The following FAT1 variants were observed in gnomAD, a reference collection of about 807,000 sequenced individuals.
FAT1 encodes the protein protocadherin Fat 1.
In FAT1, 171 loss-of-function variants were observed where a neutral mutation model predicts 329.8. That is an observed-to-expected ratio of 0.52 (90% CI 0.46 to 0.59). The LOEUF (loss-of-function observed/expected upper bound fraction) is 0.59, where lower values mean the gene tolerates loss of function less well. Among genes scored for constraint, FAT1 ranks in the 20% least tolerant of loss-of-function variants. The probability of loss-of-function intolerance (pLI) is 0.00; values close to 1 mark genes in which losing one functional copy is unlikely to be tolerated. For synonymous variants in FAT1, 2,233 were observed against 2,228.6 expected, an observed-to-expected ratio of 1.00 and a Z score of -0.06; for missense variants, 5,672 against 5,774.4, an observed-to-expected ratio of 0.98 and a Z score of 0.57.
chr4:186,640,485 C>A (rs1741040293), intron 3 of FAT1, among the ~76,000 whole-genome samples: 1 of 152,114 alleles, frequency 6.6e-6, no homozygotes, highest in South Asian at 2.1e-4. Context: ...GAAATGACTT[C>A]TATAACTATA....
In FAT1 at chr4:186,723,741, G is replaced by C. The variant is rs1006742036; in HGVS notation, c.-96C>G. On this transcript the variant is annotated 5_prime_UTR_variant, in exon 1 of 27. Transcript: ENST00000441802. ...CTCAGCGCGCCCCCGAGCAGGGACC[G>C]GGCCTGCCGGGGCCCTCGCCGGGCT... 3 of 150,976 alleles carry C rather than the reference G, an allele frequency of 2.0e-5. No homozygotes were observed. Among genetic ancestry groups the C allele is most frequent in the Non-Finnish European group, 4.4e-5 (3 of 67,692 alleles). 9.4% of individuals were successfully genotyped at this position (150,976 alleles called of 1,614,324 possible).
chr4:186,670,284 A>G (rs1409738269), intron 2 of FAT1, among the ~76,000 whole-genome samples: 1 of 152,198 alleles, frequency 6.6e-6, no homozygotes, highest in African/African-American at 2.4e-5. Context: ...TAAACTTTTC[A>G]TACAACTGCT....
At chr4:186,695,760 A>AACAC (rs34932295) in intron 2 of FAT1, among the ~76,000 whole-genome samples, 17,792 of 141,108 alleles carry the variant, frequency 0.13, 1,137 homozygotes, top group Middle Eastern at 0.17. Flanking sequence ...TTATATATAA[A>AACAC]ACACACACAC....
rs1025401612 is a variant in FAT1 at position 186,662,115 on chromosome 4, GT to G, written c.3580+1183del. Among the ~76,000 whole-genome samples the G allele has an allele frequency of 3.8e-4, 57 of 151,746 alleles. 2 individuals carry two copies. The highest frequency in any genetic ancestry group is 3.3e-3 in the Admixed American group (50 of 15,250). ...AGGGTAGGAAAACATCTCTTTGAGG[GT>G]TTTTGTTCACACTCACATTGTGTCA... On this transcript the variant is annotated intron_variant, in intron 3 of 26. Coordinates refer to ENST00000441802, the MANE Select transcript of FAT1 (RefSeq NM_005245.4).
intron 2 of FAT1, among the ~76,000 whole-genome samples, chr4:186,701,388 G>A (rs932655364): frequency 1.3e-5 from 2 of 152,162 alleles, no homozygotes; most frequent in African/African-American, 4.8e-5. Flanking sequence ...GCTGGGAAAC[G>A]AGCTTCTTTT....
chr4:186,601,263 A>G lies in FAT1; in HGVS notation c.11640+6T>C. ...CACTAAGATGCAACGCTGTGGAGAAACATACCTCCAAGATGCTATAGTCAG... is the reference window on the plus strand; with the variant it reads ...CACTAAGATGCAACGCTGTGGAGAAGCATACCTCCAAGATGCTATAGTCAG... On this transcript the variant is annotated splice_donor_region_variant and intron_variant, in intron 21 of 26. Coordinates refer to ENST00000441802, the MANE Select transcript of FAT1 (RefSeq NM_005245.4). 1 of 1,568,618 alleles carries G rather than the reference A, an allele frequency of 6.4e-7. No homozygotes were observed. Among genetic ancestry groups the G allele is most frequent in the Non-Finnish European group, 8.7e-7 (1 of 1,145,654 alleles).
intron 26 of FAT1, among the ~76,000 whole-genome samples, chr4:186,592,921 C>T (rs1443970651): frequency 1.3e-5 from 2 of 152,128 alleles, no homozygotes; most frequent in African/African-American, 2.4e-5. Flanking sequence ...AGCTGTGTGT[C>T]TCAGAGACTT....
Position 186,707,491 on chromosome 4 carries a change from A to G in FAT1, c.2337T>C (p.Pro779=), listed in dbSNP as rs753324413. The G allele has an allele frequency of 3.7e-6, 6 of 1,613,906 alleles. No individual in the cohort carries two copies. The African/African-American group carries it at 6.7e-5, about 18-fold the overall frequency. The change falls in exon 2 of 27, where the codon CCT becomes CCC. Residue 779 remains proline, a synonymous_variant. Coordinates refer to ENST00000441802, the MANE Select transcript of FAT1 (RefSeq NM_005245.4). ...METGMLKILS[P]LDRETTDKYT... ...ATTTGTCTGTTGTTTCACGGTCAAG[A>G]GGAGATAAAATTTTCAGCATTCCTG...
chr4:186,666,368 A>T (rs1477980012), intron 2 of FAT1, among the ~76,000 whole-genome samples: 2 of 152,178 alleles, frequency 1.3e-5, no homozygotes, highest in Non-Finnish European at 2.9e-5. Flanking sequence ...ATCTGTCTGT[A>T]GGCTCAAATA....
intron 7 of FAT1, 33 bp from the exon 8 acceptor site, chr4:186,628,796 T>G: frequency 6.3e-6 from 10 of 1,584,868 alleles, no homozygotes; most frequent in Non-Finnish European, 8.6e-6. Context: ...TCATACAATA[T>G]TTCCAATTAT....
At chr4:186,645,238 T>C (rs1741297732) in intron 3 of FAT1, among the ~76,000 whole-genome samples, 1 of 151,058 alleles carries the variant, frequency 6.6e-6, no homozygotes, top group African/African-American at 2.4e-5. Flanking sequence ...AACCCTAAAT[T>C]ATGAGTTATT....
chr4:186,666,924 C>T (rs1412798272), intron 2 of FAT1, among the ~76,000 whole-genome samples: 1 of 152,186 alleles, frequency 6.6e-6, no homozygotes, highest in Non-Finnish European at 1.5e-5. Flanking sequence ...TCAGCGCCAG[C>T]AATATCCTTG....
chr4:186,610,670 TTTATATAAATATAAA>T (rs1307369091), intron 14 of FAT1, among the ~76,000 whole-genome samples: 271 of 68,224 alleles, frequency 4.0e-3, no homozygotes, highest in African/African-American at 0.017. Context: ...AATTATATAA[TTTATATAAATATAAA>T]TTATATAATT....
rs1452441343 is a variant in FAT1 at position 186,709,269 on chromosome 4, T to C, written c.559A>G (p.Ser187Gly). 1.2e-6 allele frequency: 2 copies of C among 1,614,012 alleles called. No individual in the cohort carries two copies. The highest frequency in any genetic ancestry group is 2.2e-5 in the East Asian group (1 of 44,878). ...DIGTNGEFYY[S>G]FKDRTDMFAI... is the part of the protein sequence containing the mutation. ...AACATATCTGTTCGATCTTTAAAAC[T>C]GTAGTAAAATTCCCCGTTGGTTCCT... Residue 187 changes from serine (S) to glycine (G), a missense_variant, in exon 2 of 27, where the codon AGT (serine) becomes GGT (glycine). By Grantham distance (56) the Ser-to-Gly change is moderately conservative. Transcript: ENST00000441802.
In FAT1 at chr4:186,613,170, C is replaced by T. The variant is rs1579319448; in HGVS notation, c.9402G>A (p.Val3134=). 10 of 1,613,818 alleles carry T rather than the reference C, an allele frequency of 6.2e-6. No individual in the cohort carries two copies. In the African/African-American group the frequency reaches 8.0e-5, roughly 13 times the overall value. Residue 3134 remains valine (V), a synonymous_variant, in exon 13 of 27, where the codon GTG becomes GTA. Coordinates refer to ENST00000441802, the MANE Select transcript of FAT1 (RefSeq NM_005245.4). ...EFSADPYAIT[V]FENTEPGTLL... is the part of the protein sequence containing the mutation. ...GCGTTCCCGGCTCTGTGTTTTCAAACACGGTGATGGCATAAGGATCGGCAG... is the reference window on the plus strand; with the variant it reads ...GCGTTCCCGGCTCTGTGTTTTCAAATACGGTGATGGCATAAGGATCGGCAG...
chr4:186,673,593 T>C (rs1233083651), intron 2 of FAT1, among the ~76,000 whole-genome samples: 2 of 152,248 alleles, frequency 1.3e-5, no homozygotes, highest in African/African-American at 4.8e-5. Context: ...TTATTTAGAT[T>C]GCCTATTTAA....
At chr4:186,688,655 C>G (rs1420402222) in intron 2 of FAT1, among the ~76,000 whole-genome samples, 4 of 28,734 alleles carry the variant, frequency 1.4e-4, no homozygotes, top group African/African-American at 1.1e-3. Flanking sequence ...CCCCCCCCGC[C>G]CCCCCCCAAA....
chr4:186,618,358 G>T lies in FAT1; in HGVS notation c.8228C>A (p.Pro2743Gln). The part of the protein sequence containing the change: ...VLYSLVKGNT[P>Q]ESNRDESFVI... ...AAAGGACTCATCCCTATTGCTTTCT[G>T]GAGTATTCCCTTTGACCAGGCTGTA... The change falls in exon 10 of 27, where the codon CCA (proline) becomes CAA (glutamine). Residue 2743 changes from proline (P) to glutamine (Q), a missense_variant. Pro to Gln is a moderately conservative substitution (Grantham distance 76). Coordinates refer to ENST00000441802, the MANE Select transcript of FAT1 (RefSeq NM_005245.4). 6.2e-7 allele frequency: 1 copy of T among 1,613,976 alleles called. No homozygotes were observed. Among genetic ancestry groups the T allele is most frequent in the Non-Finnish European group, 8.5e-7 (1 of 1,179,894 alleles).
chr4:186,630,967 T>A (rs1324444813), intron 7 of FAT1, among the ~76,000 whole-genome samples: 1 of 152,170 alleles, frequency 6.6e-6, no homozygotes, highest in Non-Finnish European at 1.5e-5. Flanking sequence ...TCAATGGCGG[T>A]CAGCATCCTA....
Sources: allele counts gnomAD v4.1 joint callset (sites outside exome capture counted in the v4.1 genomes callset), GRCh38; gene constraint gnomAD v4.1.1; transcripts MANE v1.5; gene names NCBI Gene and HGNC (gene_info 2026-07-23, HGNC 2026-07-21).